Variants in AMPH observed in about 807,000 individuals in gnomAD.
The protein encoded by AMPH is amphiphysin, also known as amphiphysin (Stiff-Mann syndrome with breast cancer 128kD autoantigen).
In AMPH, 49 loss-of-function variants were observed where a neutral mutation model predicts 99.1. That is an observed-to-expected ratio of 0.49 (90% CI 0.39 to 0.63). The LOEUF (loss-of-function observed/expected upper bound fraction) is 0.63, where lower values mean the gene tolerates loss of function less well. Ranked by LOEUF, AMPH falls within the 20% of genes least tolerant of loss-of-function variation. AMPH has a pLI of 0.00. For synonymous variants in AMPH, 314 were observed against 317.3 expected (o/e 0.99, Z 0.11); for missense variants, 759 against 863.4 (o/e 0.88, Z 1.52).
At position 38,476,919 on chromosome 7, in the gene AMPH, G is replaced by A. The variant is rs1788105831; in HGVS notation, c.447C>T (p.Arg149=). The A allele has an allele frequency of 6.2e-7, 1 of 1,613,800 alleles. No homozygotes were observed. Residue 149 remains arginine (R), a synonymous_variant, in exon 6 of 21, where the codon CGC becomes CGT. Coordinates refer to ENST00000356264, the MANE Select transcript of AMPH (RefSeq NM_001635.4). ...SRKLVDYDSA[R]HHLEALQSSK... is the part of the protein sequence containing the mutation. ...AGCTCTGCAGAGCTTCCAGATGGTG[G>A]CGGGCACTGTCATAGTCCACTAGCT...
At chr7:38,610,343 GA>G (rs61682832) in intron 1 of AMPH, among the ~76,000 whole-genome samples, 9 of 25,038 alleles carry the variant, frequency 3.6e-4, no homozygotes, top group African/African-American at 1.5e-3. Context: ...AAAAAGAAAA[GA>G]AAAGAAAAGA....
At chr7:38,570,788 T>C (rs1408067136) in intron 1 of AMPH, among the ~76,000 whole-genome samples, 4 of 149,338 alleles carry the variant, frequency 2.7e-5, no homozygotes, top group African/African-American at 9.9e-5. Flanking sequence ...TCCTAGGAGA[T>C]GACAGCTGCA....
chr7:38,448,163 G>A (rs557316905), intron 11 of AMPH, among the ~76,000 whole-genome samples: 15 of 152,124 alleles, frequency 9.9e-5, no homozygotes, highest in Admixed American at 4.6e-4. Flanking sequence ...GTTTACCTTC[G>A]TGGTTAGAAG....
intron 11 of AMPH, among the ~76,000 whole-genome samples, chr7:38,457,642 T>C (rs539094782): frequency 2.6e-5 from 4 of 152,308 alleles, no homozygotes; most frequent in African/African-American, 9.6e-5. Context: ...TTTAATGAAG[T>C]ATTAGGTTGA....
rs1554336908 is a variant in AMPH at position 38,441,815 on chromosome 7, A to ATATCATATATCTATCATATC, written c.1018-5428_1018-5427insGATATGATAGATATATGATA. On this transcript the variant is annotated intron_variant, in intron 11 of 20. Transcript: ENST00000356264. ...CATATATATCATATATATATCATAT[A>ATATCATATATCTATCATATC]TATCATATATCATATATATCATATA... Among the ~76,000 whole-genome samples, 4 of 87,744 alleles carry ATATCATATATCTATCATATC rather than the reference A, an allele frequency of 4.6e-5. No homozygotes were observed. In the East Asian group the frequency reaches 1.5e-3, roughly 32 times the overall value. The allele number at this position is 87,744 out of a possible 152,430, so 57.6% of individuals were successfully genotyped here.
At chr7:38,596,785 C>G (rs528401108) in intron 1 of AMPH, among the ~76,000 whole-genome samples, 89 of 152,306 alleles carry the variant, frequency 5.8e-4, no homozygotes, top group African/African-American at 2.1e-3. Flanking sequence ...CCCAGTGGAC[C>G]CTCCATTCCA....
intron 12 of AMPH, among the ~76,000 whole-genome samples, chr7:38,434,805 G>A (rs1202172401): frequency 1.3e-5 from 2 of 151,790 alleles, no homozygotes; most frequent in Non-Finnish European, 2.9e-5. Context: ...TCTGCAGGCT[G>A]TCTATATAAT....
intron 10 of AMPH, 78 bp from the exon 11 acceptor site, chr7:38,461,489 C>A (rs2129008201): frequency 1.9e-6 from 3 of 1,556,698 alleles, no homozygotes; most frequent in South Asian, 1.1e-5. Flanking sequence ...ATGAACAGAG[C>A]TACATGGACA....
At chr7:38,481,073 C>G (rs1443597807) in intron 5 of AMPH, among the ~76,000 whole-genome samples, 2 of 152,090 alleles carry the variant, frequency 1.3e-5, no homozygotes, top group African/African-American at 4.8e-5. Flanking sequence ...AAGTCAATTA[C>G]AAGGATAGCT....
intron 1 of AMPH, among the ~76,000 whole-genome samples, chr7:38,597,291 C>T (rs10263645): frequency 0.71 from 107,264 of 151,778 alleles, 38,695 homozygotes; most frequent in Non-Finnish European, 0.78. Flanking sequence ...TAACAGGAAT[C>T]TGTCATCATG....
At position 38,555,371 on chromosome 7, in the gene AMPH, C is replaced by T. The variant is rs191121424; in HGVS notation, c.70-20360G>A. On this transcript the variant is annotated intron_variant, in intron 1 of 20. Coordinates refer to ENST00000356264, the MANE Select transcript of AMPH (RefSeq NM_001635.4). ...AGTAAGCTATGATCATGCCACTATA[C>T]TCCAGCCTGGGTGGCAGAGAGAGAC... Among the ~76,000 whole-genome samples, 60 of 152,244 alleles carry T rather than the reference C, an allele frequency of 3.9e-4. 1 individual carries two copies. The East Asian group carries it at 0.01, about 26-fold the overall frequency.
chr7:38,437,157 T>C (rs913188912), intron 11 of AMPH, among the ~76,000 whole-genome samples: 4 of 152,184 alleles, frequency 2.6e-5, no homozygotes, highest in African/African-American at 9.6e-5. Context: ...CATTTGTTCA[T>C]TTATTTGTGG....
intron 1 of AMPH, among the ~76,000 whole-genome samples, chr7:38,588,103 A>C (rs1792731560): frequency 6.6e-6 from 1 of 151,784 alleles, no homozygotes; most frequent in Non-Finnish European, 1.5e-5. Context: ...GGTGTGCGCC[A>C]CCTCACCTGG....
intron 9 of AMPH, chr7:38,464,055 T>C (rs1787557379): frequency 7.8e-7 from 1 of 1,289,556 alleles, no homozygotes. Flanking sequence ...AGCCCCAATC[T>C]AAGCTTAATA....
At chr7:38,463,973 C>T (rs528875988) in intron 9 of AMPH, 10 of 1,043,844 alleles carry the variant, frequency 9.6e-6, no homozygotes, top group South Asian at 1.3e-5. Flanking sequence ...AAACTGGGTC[C>T]TTTAGCGAGA....
intron 1 of AMPH, among the ~76,000 whole-genome samples, chr7:38,561,978 T>TTG (rs1554361945): frequency 6.6e-6 from 1 of 150,776 alleles, no homozygotes; most frequent in African/African-American, 2.4e-5. Context: ...TTTTTTTTTT[T>TTG]TTGTTATGGC....
intron 2 of AMPH, among the ~76,000 whole-genome samples, chr7:38,504,973 G>A (rs1584179868): frequency 1.3e-5 from 2 of 152,300 alleles, no homozygotes; most frequent in South Asian, 4.1e-4. Flanking sequence ...CAATAGCCAT[G>A]TTCAATTTAA....
intron 1 of AMPH, among the ~76,000 whole-genome samples, chr7:38,590,928 A>T (rs1792833250): frequency 6.6e-6 from 1 of 152,226 alleles, no homozygotes. Flanking sequence ...CGAAGGTAAG[A>T]TATAATTTTA....
intron 11 of AMPH, among the ~76,000 whole-genome samples, chr7:38,447,061 C>T (rs1786816435): frequency 6.6e-6 from 1 of 151,526 alleles, no homozygotes; most frequent in South Asian, 2.1e-4. Flanking sequence ...CTCTTGTTGC[C>T]CAGGTTGGAG....
Sources: gnomAD v4.1 joint callset for allele counts (sites outside exome capture counted in the v4.1 genomes callset) on GRCh38, gnomAD v4.1.1 for gene constraint, MANE v1.5 for transcripts, NCBI Gene and HGNC (gene_info 2026-07-23, HGNC 2026-07-21) for gene names.